Variants in ARHGEF26 observed in about 807,000 individuals in gnomAD.
The protein encoded by ARHGEF26 is Rho guanine nucleotide exchange factor (GEF) 26.
A neutral mutation model predicts 89.4 loss-of-function variants in ARHGEF26; 59 were observed. That is an observed-to-expected ratio of 0.66 (90% CI 0.54 to 0.82). The LOEUF (loss-of-function observed/expected upper bound fraction) is 0.82, where lower values mean the gene tolerates loss of function less well. Ranked by LOEUF, ARHGEF26 falls within the 40% of genes least tolerant of loss-of-function variation. ARHGEF26 has a pLI of 0.00. For missense variants in ARHGEF26, 1,234 were observed against 1,085.6 expected, an observed-to-expected ratio of 1.14 and a Z score of -1.92; for synonymous variants, 500 against 428.4, an observed-to-expected ratio of 1.17 and a Z score of -2.06.
At position 154,194,710 on chromosome 3, in the gene ARHGEF26, G is replaced by A; in HGVS notation, c.1837G>A (p.Val613Ile). The change falls in exon 9 of 15, where the codon GTT becomes ATT. Residue 613 changes from valine to isoleucine, a missense_variant. Val to Ile is a conservative substitution (Grantham distance 29, BLOSUM62 3). Transcript: ENST00000465093. ...AGTCTGCAAAAGAGCCTTGAAGGAA[G>A]TTAGCAAGGTAACTGTTGGGTGACA... is the stretch of plus-strand genomic sequence containing the variant. Reference protein sequence around the residue: ...YEVCKRALKEVSKLVRLCNEG... With the variant: ...YEVCKRALKEISKLVRLCNEG... 6.2e-7 allele frequency: 1 copy of A among 1,611,974 alleles called. No homozygotes were observed. Among genetic ancestry groups the A allele is most frequent in the Non-Finnish European group, 8.5e-7 (1 of 1,179,008 alleles).
At chr3:154,144,947 C>T (rs1719608823) in intron 4 of ARHGEF26, among the ~76,000 whole-genome samples, 3 of 152,022 alleles carry the variant, frequency 2.0e-5, no homozygotes, top group Admixed American at 1.3e-4. Flanking sequence ...TTTTTCTTTC[C>T]TTAAAAAAAG....
intron 8 of ARHGEF26, among the ~76,000 whole-genome samples, chr3:154,192,366 T>C (rs1714004744): frequency 6.6e-6 from 1 of 152,254 alleles, no homozygotes; most frequent in Non-Finnish European, 1.5e-5. Context: ...AAATACATTC[T>C]TTAAAAATGC....
At chr3:154,165,266 T>C (rs1386276975) in intron 6 of ARHGEF26, among the ~76,000 whole-genome samples, 1 of 152,134 alleles carries the variant, frequency 6.6e-6, no homozygotes, top group African/African-American at 2.4e-5. Flanking sequence ...TTCACAAAGC[T>C]GCTTTTGTGA....
chr3:154,234,758 T>C (rs2108273604), intron 11 of ARHGEF26, among the ~76,000 whole-genome samples: 1 of 152,192 alleles, frequency 6.6e-6, no homozygotes, highest in South Asian at 2.1e-4. Flanking sequence ...TTTTTTAATT[T>C]TTTAATTTTA....
chr3:154,170,922 CT>C (rs1436819163), intron 6 of ARHGEF26, among the ~76,000 whole-genome samples: 1 of 152,146 alleles, frequency 6.6e-6, no homozygotes, highest in Non-Finnish European at 1.5e-5. Context: ...TTGGCTATTT[CT>C]GTAAATACCT....
chr3:154,195,303 A>G (rs1714222399), intron 9 of ARHGEF26, among the ~76,000 whole-genome samples: 1 of 152,220 alleles, frequency 6.6e-6, no homozygotes, highest in Non-Finnish European at 1.5e-5. Flanking sequence ...CCATGTGGCT[A>G]GGATGCAATC....
intron 6 of ARHGEF26, among the ~76,000 whole-genome samples, chr3:154,184,587 T>G (rs528037404): frequency 6.6e-6 from 1 of 152,184 alleles, no homozygotes; most frequent in Non-Finnish European, 1.5e-5. Context: ...GCATCTTCCT[T>G]GACTTCCCAT....
intron 12 of ARHGEF26, among the ~76,000 whole-genome samples, chr3:154,242,616 A>T (rs1717537462): frequency 6.6e-6 from 1 of 152,242 alleles, no homozygotes; most frequent in Admixed American, 6.5e-5. Flanking sequence ...GAATTGATAA[A>T]GCAGTGGCAA....
intron 11 of ARHGEF26, among the ~76,000 whole-genome samples, chr3:154,229,351 G>A (rs995158640): frequency 3.3e-5 from 5 of 152,168 alleles, no homozygotes. Flanking sequence ...AGCTGGGGCT[G>A]TGGGCATGTG....
intron 4 of ARHGEF26, among the ~76,000 whole-genome samples, chr3:154,143,061 C>G (rs1719478970): frequency 6.6e-6 from 1 of 152,080 alleles, no homozygotes; most frequent in Admixed American, 6.6e-5. Flanking sequence ...ACTTGTCTGC[C>G]CTACTCGTTT....
At chr3:154,142,913 A>G (rs1421113137) in intron 4 of ARHGEF26, among the ~76,000 whole-genome samples, 2 of 152,156 alleles carry the variant, frequency 1.3e-5, no homozygotes, top group African/African-American at 4.8e-5. Context: ...CTTGATTAAA[A>G]TCTTTCTTTC....
intron 9 of ARHGEF26, among the ~76,000 whole-genome samples, chr3:154,207,553 A>T (rs890646867): frequency 6.6e-6 from 1 of 152,232 alleles, no homozygotes; most frequent in African/African-American, 2.4e-5. Flanking sequence ...ATGAGATACC[A>T]TCTCACGCTA....
intron 4 of ARHGEF26, among the ~76,000 whole-genome samples, chr3:154,135,916 C>G (rs6762384): frequency 0.23 from 35,061 of 152,104 alleles, 5,403 homozygotes; most frequent in East Asian, 0.47. Flanking sequence ...ATGACTGTTG[C>G]AACACCAGTG....
At position 154,256,758 on chromosome 3, in the gene ARHGEF26, C is replaced by A; in HGVS notation, c.*1285C>A. 1 of 1,430,908 alleles carries A rather than the reference C, an allele frequency of 7.0e-7. No individual in the cohort carries two copies. The highest frequency in any genetic ancestry group is 1.4e-5 in the African/African-American group (1 of 69,110). 88.6% of individuals were successfully genotyped at this position (1,430,908 alleles called of 1,614,324 possible). Reference sequence around the variant, plus strand: ...AAGTCAGCATGGTACCCAATTGAAACCTTTTGACCTTAGTGGGAATTCATT... The same window carrying A: ...AAGTCAGCATGGTACCCAATTGAAAACTTTTGACCTTAGTGGGAATTCATT... On this transcript the variant is annotated 3_prime_UTR_variant, in exon 15 of 15. Transcript: ENST00000465093.
intron 9 of ARHGEF26, among the ~76,000 whole-genome samples, chr3:154,201,573 C>A (rs1332531385): frequency 6.6e-6 from 1 of 152,064 alleles, no homozygotes; most frequent in Non-Finnish European, 1.5e-5. Flanking sequence ...CCTGAGGAAT[C>A]GCCACACTGA....
chr3:154,230,255 T>A (rs1037681242), intron 11 of ARHGEF26, among the ~76,000 whole-genome samples: 1 of 152,200 alleles, frequency 6.6e-6, no homozygotes, highest in Non-Finnish European at 1.5e-5. Context: ...GAATTTATTG[T>A]CTCACAGTTC....
In ARHGEF26 at chr3:154,191,313, A is replaced by C. The variant is rs964303155; in HGVS notation, c.1665A>C (p.Glu555Asp). 1 of 1,612,748 alleles carries C rather than the reference A, an allele frequency of 6.2e-7. No homozygotes were observed. Among genetic ancestry groups the C allele is most frequent in the Non-Finnish European group, 8.5e-7 (1 of 1,179,346 alleles). Residue 555 changes from glutamate to aspartate, a missense_variant, in exon 8 of 15, where the codon GAA becomes GAC. Glu to Asp is a conservative substitution (Grantham distance 45, BLOSUM62 2). Coordinates refer to ENST00000465093, the MANE Select transcript of ARHGEF26 (RefSeq NM_015595.4). ...GAGCTACCAATCCATCCTTTAAGGA[A>C]GTATTGTCAAGGATTGAGTCCCATG... The part of the protein sequence containing the change: ...KLLATNPSFK[E>D]VLSRIESHED...
intron 6 of ARHGEF26, among the ~76,000 whole-genome samples, chr3:154,154,803 T>C (rs1388928406): frequency 6.6e-6 from 1 of 152,010 alleles, no homozygotes; most frequent in African/African-American, 2.4e-5. Context: ...AGTAACTGTG[T>C]AGTAGTTTAT....
At chr3:154,149,220 T>C (rs1362021989) in intron 4 of ARHGEF26, among the ~76,000 whole-genome samples, 169 bp from the exon 5 acceptor site, 1 of 117,554 alleles carries the variant, frequency 8.5e-6, no homozygotes, top group Non-Finnish European at 1.7e-5. Flanking sequence ...CTATAAATAT[T>C]TATTAAATAA....
Sources: allele counts gnomAD v4.1 joint callset (sites outside exome capture counted in the v4.1 genomes callset), GRCh38; gene constraint gnomAD v4.1.1; transcripts MANE v1.5; gene names NCBI Gene and HGNC (gene_info 2026-07-23, HGNC 2026-07-21).